ESRRG: variants seen among roughly 807,000 people sequenced by gnomAD.
The protein encoded by ESRRG is estrogen-related receptor gamma.
ESRRG carries 13 observed loss-of-function variants against 44.0 expected under a neutral mutation model. The observed-to-expected ratio is 0.30, with a 90% confidence interval of 0.19 to 0.47. The LOEUF is 0.47. Ranked by LOEUF, ESRRG falls within the 20% of genes least tolerant of loss-of-function variation. ESRRG has a pLI of 1.00. For synonymous variants in ESRRG, 215 were observed against 214.6 expected (o/e 1.00, Z -0.02); for missense variants, 395 against 580.6 (o/e 0.68, Z 3.29).
At chr1:216,606,566 A>G (rs986198968) in intron 3 of ESRRG, among the ~76,000 whole-genome samples, 3 of 152,122 alleles carry the variant, frequency 2.0e-5, no homozygotes, top group Non-Finnish European at 4.4e-5. Context: ...TGCAGAGATA[A>G]GCTAAACAAG....
chr1:216,617,699 T>G (rs2061606526), intron 3 of ESRRG, among the ~76,000 whole-genome samples: 1 of 152,226 alleles, frequency 6.6e-6, no homozygotes, highest in African/African-American at 2.4e-5. Flanking sequence ...TTGTTGCTCC[T>G]GAAAGATTAA....
intron 2 of ESRRG, among the ~76,000 whole-genome samples, chr1:216,736,798 G>A (rs1161168247): frequency 6.6e-6 from 1 of 152,024 alleles, no homozygotes; most frequent in Non-Finnish European, 1.5e-5. Context: ...AGAAACTCTG[G>A]GGTTAGATCC....
At chr1:216,771,699 A>G (rs371671799) in intron 2 of ESRRG, among the ~76,000 whole-genome samples, 1 of 152,096 alleles carries the variant, frequency 6.6e-6, no homozygotes, top group South Asian at 2.1e-4. Context: ...TGAGGAAGCA[A>G]TGTGGAACAG....
chr1:216,783,048 C>A (rs1215694836), intron 2 of ESRRG, among the ~76,000 whole-genome samples: 2 of 151,818 alleles, frequency 1.3e-5, no homozygotes, highest in Non-Finnish European at 2.9e-5. Context: ...GAAATAACTA[C>A]AACCTTACAT....
intron 1 of ESRRG, among the ~76,000 whole-genome samples, chr1:216,982,097 C>G (rs2074067981): frequency 6.6e-6 from 1 of 152,114 alleles, no homozygotes; most frequent in Admixed American, 6.5e-5. Flanking sequence ...CCCCAAAATG[C>G]CAGGACTATT....
At chr1:217,016,499 T>A (rs1198439075) in intron 1 of ESRRG, among the ~76,000 whole-genome samples, 1 of 152,210 alleles carries the variant, frequency 6.6e-6, no homozygotes, top group African/African-American at 2.4e-5. Flanking sequence ...ATTGTTTTCA[T>A]CTTTCTTCTC....
chr1:217,022,129 A>C (rs2080418549), intron 1 of ESRRG, among the ~76,000 whole-genome samples: 1 of 152,228 alleles, frequency 6.6e-6, no homozygotes, highest in South Asian at 2.1e-4. Flanking sequence ...GGAAAAAATA[A>C]GGCCATGAAA....
At chr1:216,517,545 TA>T (rs1332068860) in intron 6 of ESRRG, among the ~76,000 whole-genome samples, 1 of 152,214 alleles carries the variant, frequency 6.6e-6, no homozygotes, top group Admixed American at 6.5e-5. Flanking sequence ...ACACAGGCTT[TA>T]GTATATTTTA....
At chr1:216,622,799 T>C (rs1389839259) in intron 3 of ESRRG, among the ~76,000 whole-genome samples, 1 of 152,188 alleles carries the variant, frequency 6.6e-6, no homozygotes, top group East Asian at 1.9e-4. Context: ...CAAAATACTC[T>C]ACATTAATTT....
chr1:216,954,931 T>C (rs2067668365), intron 1 of ESRRG, among the ~76,000 whole-genome samples: 1 of 152,142 alleles, frequency 6.6e-6, no homozygotes, highest in African/African-American at 2.4e-5. Context: ...ATGTAATAAT[T>C]GTACATATTT....
intron 3 of ESRRG, among the ~76,000 whole-genome samples, chr1:216,641,360 T>C (rs4846609): frequency 0.24 from 36,763 of 152,202 alleles, 4,635 homozygotes; most frequent in East Asian, 0.45. Context: ...GAGTATGTGA[T>C]AGTCTTCTAT....
intron 2 of ESRRG, among the ~76,000 whole-genome samples, chr1:216,672,909 G>A (rs1254016854): frequency 6.6e-6 from 1 of 152,120 alleles, no homozygotes; most frequent in Non-Finnish European, 1.5e-5. Flanking sequence ...GATCTTAACA[G>A]ATGATGGTGT....
chr1:216,603,651 G>C (rs556076396), intron 3 of ESRRG, among the ~76,000 whole-genome samples: 85 of 152,206 alleles, frequency 5.6e-4, no homozygotes, highest in African/African-American at 1.9e-3. Flanking sequence ...AAAATCAGCC[G>C]GGCACCGTGG....
chr1:216,684,943 A>C (rs2077651880), intron 1 of ESRRG, among the ~76,000 whole-genome samples: 1 of 152,250 alleles, frequency 6.6e-6, no homozygotes, highest in African/African-American at 2.4e-5. Flanking sequence ...GCTCAACTAC[A>C]TGACGCCAAT....
intron 3 of ESRRG, among the ~76,000 whole-genome samples, chr1:216,622,928 T>G (rs1323936498): frequency 6.6e-6 from 1 of 152,144 alleles, no homozygotes; most frequent in Non-Finnish European, 1.5e-5. Context: ...GATACAACCA[T>G]GTGAAGTAAG....
At chr1:217,116,968 A>C (rs977001383) in intron 1 of ESRRG, among the ~76,000 whole-genome samples, 1 of 152,214 alleles carries the variant, frequency 6.6e-6, no homozygotes, top group Non-Finnish European at 1.5e-5. Flanking sequence ...CTTATCTGTA[A>C]AATTGGGATG....
intron 2 of ESRRG, among the ~76,000 whole-genome samples, chr1:216,779,912 T>TA (rs1382684924): frequency 6.6e-6 from 1 of 151,752 alleles, no homozygotes; most frequent in Admixed American, 6.6e-5. Flanking sequence ...AGATTCACAT[T>TA]AAAAATCAAA....
rs770000612 is a variant in ESRRG at position 216,715,883 on chromosome 1, A to G, written c.56+7361T>C. 2.6e-4 allele frequency among the ~76,000 whole-genome samples: 39 copies of G among 152,116 alleles called. 1 individual carries two copies. Among genetic ancestry groups the G allele is most frequent in the Non-Finnish European group, 5.9e-5 (4 of 67,984 alleles). ...AAAATGAGTAAAATCTTTCTAGAGT[A>G]GATGAAAAAGGAATTATCATTTACA... On this transcript the variant is annotated intron_variant, in intron 1 of 6. Transcript: ENST00000408911.
intron 5 of ESRRG, among the ~76,000 whole-genome samples, chr1:216,552,803 A>G (rs1353534408): frequency 1.3e-5 from 2 of 152,310 alleles, no homozygotes; most frequent in East Asian, 3.9e-4. Context: ...TATTCCATAT[A>G]TTAGAAAGGG....
Sources: allele counts gnomAD v4.1 joint callset (sites outside exome capture counted in the v4.1 genomes callset), GRCh38; gene constraint gnomAD v4.1.1; transcripts MANE v1.5; gene names NCBI Gene and HGNC (gene_info 2026-07-23, HGNC 2026-07-21).